PIGN: variants seen among roughly 807,000 people sequenced by gnomAD.
PIGN encodes the protein phosphatidylinositol glycan anchor biosynthesis class N.
Under a neutral mutation model 125.4 loss-of-function variants are expected in PIGN, and 117 were observed. The observed-to-expected ratio is 0.93, with a 90% confidence interval of 0.80 to 1.09. PIGN has a LOEUF of 1.09. Ranked by LOEUF, PIGN falls within the 50% of genes least tolerant of loss-of-function variation. The pLI is 0.00. For synonymous variants in PIGN, 392 were observed against 377.8 expected, an observed-to-expected ratio of 1.04 and a Z score of -0.44; for missense variants, 1,075 against 1,094.9, an observed-to-expected ratio of 0.98 and a Z score of 0.26.
At chr18:62,065,535 G>A (rs990203764) in intron 30 of PIGN, among the ~76,000 whole-genome samples, 4 of 151,920 alleles carry the variant, frequency 2.6e-5, no homozygotes, top group Non-Finnish European at 4.4e-5. Flanking sequence ...TCAGAATATC[G>A]AGACCATCCT....
intron 22 of PIGN, among the ~76,000 whole-genome samples, chr18:62,098,091 G>A (rs1049478065): frequency 1.3e-5 from 2 of 152,186 alleles, no homozygotes; most frequent in African/African-American, 4.8e-5. Flanking sequence ...AAAAAGTTGT[G>A]AGGATTAAAT....
intron 14 of PIGN, among the ~76,000 whole-genome samples, chr18:62,117,793 C>T (rs2035144719): frequency 6.6e-6 from 1 of 151,960 alleles, no homozygotes; most frequent in Non-Finnish European, 1.5e-5. Context: ...TTTTAGCTCC[C>T]ACATATGAGT....
At chr18:62,064,793 T>C (rs2032404540) in intron 30 of PIGN, among the ~76,000 whole-genome samples, 1 of 152,206 alleles carries the variant, frequency 6.6e-6, no homozygotes, top group Admixed American at 6.5e-5. Flanking sequence ...TTCCCAGGTT[T>C]GGGTAGAAGT....
chr18:62,074,857 C>T lies in PIGN; in HGVS notation c.2577-36G>A, dbSNP rs1568146216. ...AAAGAAGGAAAAATTACATCTAATACAACAGGTGCATTTTTCAAGCTCATT... is the reference window on the plus strand; with the variant it reads ...AAAGAAGGAAAAATTACATCTAATATAACAGGTGCATTTTTCAAGCTCATT... On this transcript the variant is annotated intron_variant, in intron 28 of 30. Coordinates refer to ENST00000640252, the MANE Select transcript of PIGN (RefSeq NM_176787.5). 4.2e-6 allele frequency: 6 copies of T among 1,420,050 alleles called. No homozygotes were observed. The Admixed American group carries it at 7.1e-5, about 17-fold the overall frequency. 88.0% of individuals were successfully genotyped at this position (1,420,050 alleles called of 1,614,324 possible).
rs2030590898 is a variant in PIGN at position 62,045,360 on chromosome 18, TA to T, written c.*495del. Reference sequence around the variant, plus strand: ...GACAAATACCTGCAAACACTTTTTTTATTGAAGCTCTTGAAATAATACACCC... The same window carrying T: ...GACAAATACCTGCAAACACTTTTTTTTTGAAGCTCTTGAAATAATACACCC... On this transcript the variant is annotated 3_prime_UTR_variant, in exon 31 of 31. Transcript: ENST00000640252. 1 of 152,370 alleles carries T rather than the reference TA, an allele frequency of 6.6e-6. No individual in the cohort carries two copies. The highest frequency in any genetic ancestry group is 1.5e-5 in the Non-Finnish European group (1 of 68,146). 9.4% of individuals were successfully genotyped at this position (152,370 alleles called of 1,614,324 possible). A position where few individuals can be genotyped will look rare whatever the true frequency, so the allele number is the denominator to read the frequency against.
Position 62,045,860 on chromosome 18 carries a change from A to G in PIGN, c.2792T>C (p.Met931Thr). Reference sequence around the variant, plus strand: ...CTGAATGGTGCTTCAGCAACCTCACATGAAGTGACTTTTGGGTTTGCCACA... The same window carrying G: ...CTGAATGGTGCTTCAGCAACCTCACGTGAAGTGACTTTTGGGTTTGCCACA... ...RLCGKPKSHF[M>T] is the part of the protein sequence containing the mutation. Residue 931 changes from methionine to threonine, a missense_variant, in exon 31 of 31, where the codon ATG (methionine) becomes ACG (threonine). Coordinates refer to ENST00000640252, the MANE Select transcript of PIGN (RefSeq NM_176787.5). 6.2e-7 allele frequency: 1 copy of G among 1,613,748 alleles called. No homozygotes were observed. The highest frequency in any genetic ancestry group is 8.5e-7 in the Non-Finnish European group (1 of 1,179,710).
At chr18:62,052,007 T>C (rs996243222) in intron 30 of PIGN, 2 of 152,242 alleles carry the variant, frequency 1.3e-5, no homozygotes, top group East Asian at 1.9e-4. Flanking sequence ...TGTAGTTGAG[T>C]GGTTTTGAGT....
intron 1 of PIGN, among the ~76,000 whole-genome samples, chr18:62,177,759 G>A (rs2037576616): frequency 6.6e-6 from 1 of 151,994 alleles, no homozygotes; most frequent in South Asian, 2.1e-4. Context: ...TTTTGTTTAT[G>A]GTCATTAAAG....
intron 30 of PIGN, among the ~76,000 whole-genome samples, chr18:62,071,836 A>G (rs1312103665): frequency 7.4e-6 from 1 of 135,756 alleles, no homozygotes; most frequent in African/African-American, 2.7e-5. Flanking sequence ...CATATTTTTC[A>G]TCGTTTTTTA....
At chr18:62,035,610 T>C (rs2030249205) in intron 23 of PIGN, among the ~76,000 whole-genome samples, 1 of 152,134 alleles carries the variant, frequency 6.6e-6, no homozygotes, top group Non-Finnish European at 1.5e-5. Flanking sequence ...ATGTGCCATG[T>C]TGGTGTGCTG....
At chr18:62,157,555 G>T in intron 5 of PIGN, 132 bp downstream of exon 5, 1 of 841,992 alleles carries the variant, frequency 1.2e-6, no homozygotes, top group Non-Finnish European at 1.9e-6. Flanking sequence ...ATTCATGTCA[G>T]CAAAGCATGC....
Position 62,148,978 on chromosome 18 carries a change from C to A in PIGN, c.550-640G>T, listed in dbSNP as rs185285516. Among the ~76,000 whole-genome samples the A allele has an allele frequency of 4.7e-3, 721 of 152,146 alleles. 6 individuals are homozygous for A. Among genetic ancestry groups the A allele is most frequent in the South Asian group, 7.7e-3 (37 of 4,824 alleles). ...AATAATGATAAACTAGATTCATAAACCCTTCTAAGGCAAATGATTCACCCT... is the reference window on the plus strand; with the variant it reads ...AATAATGATAAACTAGATTCATAAAACCTTCTAAGGCAAATGATTCACCCT... On this transcript the variant is annotated intron_variant, in intron 7 of 30. Transcript: ENST00000640252.
chr18:62,090,288 T>C (rs1427193600), intron 24 of PIGN, among the ~76,000 whole-genome samples, 188 bp downstream of exon 24: 1 of 152,152 alleles, frequency 6.6e-6, no homozygotes, highest in Non-Finnish European at 1.5e-5. Flanking sequence ...AAAATTGTGC[T>C]TTTCTGTGAT....
intron 14 of PIGN, among the ~76,000 whole-genome samples, chr18:62,132,637 T>C (rs534450009): frequency 1.3e-5 from 2 of 152,020 alleles, no homozygotes; most frequent in Non-Finnish European, 2.9e-5. Context: ...AGCCCAGGAG[T>C]TCAAGATAAG....
chr18:62,033,964 G>A (rs2030227065), intron 23 of PIGN, among the ~76,000 whole-genome samples: 1 of 152,196 alleles, frequency 6.6e-6, no homozygotes. Context: ...GAGACTCAGA[G>A]GGGTTTGTCT....
At chr18:62,071,990 T>C (rs2032905216) in intron 30 of PIGN, among the ~76,000 whole-genome samples, 1 of 147,352 alleles carries the variant, frequency 6.8e-6, no homozygotes, top group South Asian at 2.1e-4. Flanking sequence ...GACAGCTCCA[T>C]GCATGTTATT....
intron 17 of PIGN, among the ~76,000 whole-genome samples, chr18:62,109,451 A>AATT (rs902396852): frequency 6.6e-6 from 1 of 152,242 alleles, no homozygotes; most frequent in African/African-American, 2.4e-5. Flanking sequence ...TAAAACATGC[A>AATT]AATATCTTTG....
At chr18:62,092,591 C>T (rs2034009997) in intron 23 of PIGN, among the ~76,000 whole-genome samples, 3 of 151,744 alleles carry the variant, frequency 2.0e-5, no homozygotes, top group African/African-American at 7.3e-5. Context: ...CTAGAAAATG[C>T]TTCTGAAATA....
At chr18:62,097,486 CTA>C (rs2034259290) in intron 22 of PIGN, among the ~76,000 whole-genome samples, 1 of 147,630 alleles carries the variant, frequency 6.8e-6, no homozygotes, top group South Asian at 2.3e-4. Context: ...GGACTGTAAA[CTA>C]GTTCAACTAT....
Sources: gnomAD v4.1 joint callset for allele counts (sites outside exome capture counted in the v4.1 genomes callset) on GRCh38, gnomAD v4.1.1 for gene constraint, MANE v1.5 for transcripts, NCBI Gene and HGNC (gene_info 2026-07-23, HGNC 2026-07-21) for gene names.